Variants in CFAP54 observed in about 807,000 individuals in gnomAD.
The protein encoded by CFAP54 is cilia- and flagella-associated protein 54.
A neutral mutation model predicts 370.4 loss-of-function variants in CFAP54; 290 were observed. That is an observed-to-expected ratio of 0.78 (90% CI 0.71 to 0.86). CFAP54 has a LOEUF of 0.86. Among genes scored for constraint, CFAP54 ranks in the 40% least tolerant of loss-of-function variants. The pLI is 0.00. For missense variants in CFAP54, 3,399 were observed against 3,528.7 expected (o/e 0.96, Z 0.93); for synonymous variants, 1,206 against 1,236.5 (o/e 0.98, Z 0.52).
At chr12:96,756,764 T>C (rs77715713) in intron 57 of CFAP54, among the ~76,000 whole-genome samples, 1 of 152,250 alleles carries the variant, frequency 6.6e-6, no homozygotes, top group African/African-American at 2.4e-5. Flanking sequence ...GCTGTCCTCA[T>C]AGTGGGATAT....
chr12:96,520,833 A>G (rs1056448477), intron 6 of CFAP54, among the ~76,000 whole-genome samples: 1 of 152,248 alleles, frequency 6.6e-6, no homozygotes, highest in African/African-American at 2.4e-5. Context: ...GTTAACGACC[A>G]TAAATAAATC....
At chr12:96,857,143 A>G (rs1047963111) in intron 66 of CFAP54, among the ~76,000 whole-genome samples, 1 of 152,140 alleles carries the variant, frequency 6.6e-6, no homozygotes, top group African/African-American at 2.4e-5. Context: ...AGCTGTCCCC[A>G]TGATTCAATT....
chr12:96,611,106 C>A (rs1459724027), intron 26 of CFAP54, among the ~76,000 whole-genome samples: 1 of 152,210 alleles, frequency 6.6e-6, no homozygotes, highest in Non-Finnish European at 1.5e-5. Context: ...GGGTCCGTGA[C>A]CCCTGAGTAG....
At chr12:96,686,806 C>T (rs184428188) in intron 42 of CFAP54, among the ~76,000 whole-genome samples, 1 of 152,202 alleles carries the variant, frequency 6.6e-6, no homozygotes, top group East Asian at 1.9e-4. Context: ...GTTAGGACTT[C>T]AACATATGAA....
chr12:96,841,025 A>T (rs933222771), intron 66 of CFAP54, among the ~76,000 whole-genome samples: 11 of 152,220 alleles, frequency 7.2e-5, no homozygotes, highest in African/African-American at 2.4e-4. Context: ...TGTCAAGGTG[A>T]AATATGCTGT....
At chr12:96,544,765 A>T (rs78410002) in intron 14 of CFAP54, among the ~76,000 whole-genome samples, 2 of 152,230 alleles carry the variant, frequency 1.3e-5, no homozygotes, top group African/African-American at 2.4e-5. Flanking sequence ...TATTTCTTAC[A>T]GTTGTGGAGG....
At chr12:96,850,209 T>C (rs1356832410) in intron 66 of CFAP54, among the ~76,000 whole-genome samples, 3 of 122,802 alleles carry the variant, frequency 2.4e-5, no homozygotes, top group African/African-American at 1.0e-4. Flanking sequence ...TGAAACCCTG[T>C]CTCTACTAAA....
At chr12:96,504,503 G>A (rs1005197947) in intron 3 of CFAP54, among the ~76,000 whole-genome samples, 2 of 152,126 alleles carry the variant, frequency 1.3e-5, no homozygotes, top group Non-Finnish European at 2.9e-5. Flanking sequence ...CACTGGTTGA[G>A]CAGTTTTCAT....
chr12:96,637,602 G>A lies in CFAP54; in HGVS notation c.4317-6576G>A, dbSNP rs75370591. Among the ~76,000 whole-genome samples, 716 of 152,208 alleles carry A rather than the reference G, an allele frequency of 4.7e-3. 4 individuals are homozygous for A. The highest frequency in any genetic ancestry group is 0.016 in the African/African-American group (679 of 41,520). ...CATGCATAGAGTATTTATACTATTG[G>A]CTCTAAAGCAAGTCTCAAGAAATTT... is the stretch of plus-strand genomic sequence containing the variant. On this transcript the variant is annotated intron_variant, in intron 32 of 67. Transcript: ENST00000524981.
intron 4 of CFAP54, among the ~76,000 whole-genome samples, chr12:96,510,875 A>G (rs1478942252): frequency 6.6e-6 from 1 of 151,800 alleles, no homozygotes; most frequent in Non-Finnish European, 1.5e-5. Context: ...AGGCACGGGA[A>G]TCACTTGAAC....
chr12:96,820,859 A>G (rs1959024962), intron 65 of CFAP54, among the ~76,000 whole-genome samples: 1 of 152,162 alleles, frequency 6.6e-6, no homozygotes, highest in Non-Finnish European at 1.5e-5. Context: ...TAAGCCACAT[A>G]CCAAATTTAC....
In CFAP54 at chr12:96,657,970, A is replaced by T. The variant is rs1233764526; in HGVS notation, c.5189A>T (p.His1730Leu). ...GGTGGTTCTAGTCTTACCTTTGAGCATCCTTTGGATGATGTAAATGTGGTT... is the reference window on the plus strand; with the variant it reads ...GGTGGTTCTAGTCTTACCTTTGAGCTTCCTTTGGATGATGTAAATGTGGTT... ...DNGGSSLTFE[H>L]PLDDVNVVDL... is the part of the protein sequence containing the mutation. The change falls in exon 37 of 68, where the codon CAT becomes CTT. Residue 1730 changes from histidine to leucine, a missense_variant. Around this residue, in one of 3 missense-constraint regions of CFAP54, gnomAD observed 2,796 missense variants for 2,869.7 expected, o/e 0.97. Coordinates refer to ENST00000524981, the MANE Select transcript of CFAP54 (RefSeq NM_001306084.2). The T allele has an allele frequency of 1.3e-5, 21 of 1,613,802 alleles. No individual in the cohort carries two copies. The highest frequency in any genetic ancestry group is 1.8e-5 in the Non-Finnish European group (21 of 1,179,788).
intron 26 of CFAP54, among the ~76,000 whole-genome samples, chr12:96,599,511 T>G (rs920509598): frequency 1.3e-5 from 2 of 152,194 alleles, no homozygotes; most frequent in African/African-American, 4.8e-5. Context: ...TCGAATCCTT[T>G]GGATATATAC....
intron 60 of CFAP54, among the ~76,000 whole-genome samples, chr12:96,772,413 T>G (rs542978717): frequency 1.3e-5 from 2 of 152,180 alleles, no homozygotes; most frequent in African/African-American, 4.8e-5. Flanking sequence ...CCTTGGCTCA[T>G]GGCCCCTCCC....
chr12:96,623,261 G>A (rs1956519378), intron 27 of CFAP54, among the ~76,000 whole-genome samples: 1 of 152,046 alleles, frequency 6.6e-6, no homozygotes, highest in South Asian at 2.1e-4. Flanking sequence ...ATGGTAGTGA[G>A]CCTGAGTGGG....
intron 40 of CFAP54, among the ~76,000 whole-genome samples, chr12:96,680,361 G>C (rs1300441602): frequency 1.3e-5 from 2 of 152,118 alleles, no homozygotes; most frequent in African/African-American, 4.8e-5. Flanking sequence ...TCAGAGAAGA[G>C]TACATTCAAA....
intron 63 of CFAP54, among the ~76,000 whole-genome samples, chr12:96,792,791 G>T (rs1022762467): frequency 4.0e-5 from 6 of 151,816 alleles, no homozygotes; most frequent in African/African-American, 1.2e-4. Context: ...TCATGTTAAA[G>T]AATTTTTTTA....
At chr12:96,679,078 A>G (rs952160158) in intron 39 of CFAP54, among the ~76,000 whole-genome samples, 6 of 152,074 alleles carry the variant, frequency 3.9e-5, no homozygotes, top group African/African-American at 1.4e-4. Flanking sequence ...CTTTCTGGGC[A>G]CTTTTCAGGA....
chr12:96,649,969 C>T lies in CFAP54; in HGVS notation c.4769C>T (p.Ser1590Leu). 6.2e-7 allele frequency: 1 copy of T among 1,612,702 alleles called. No homozygotes were observed. The highest frequency in any genetic ancestry group is 8.5e-7 in the Non-Finnish European group (1 of 1,178,872). Residue 1590 changes from serine (S) to leucine (L), a missense_variant, in exon 35 of 68, where the codon TCA becomes TTA. By Grantham distance (145) the Ser-to-Leu change is moderately radical (BLOSUM62 -2). Coordinates refer to ENST00000524981, the MANE Select transcript of CFAP54 (RefSeq NM_001306084.2). ...NMSKTQTVYD[S>L]DSQSGSSAKE... The stretch of plus-strand genomic sequence containing the variant: ...TCCAAGACACAAACAGTTTATGACT[C>T]AGACTCTCAATCAGGTTCTAGTGCT...
Sources: gnomAD v4.1 joint callset for allele counts (sites outside exome capture counted in the v4.1 genomes callset) on GRCh38, gnomAD v4.1.1 for gene constraint, gnomAD v4.1.1 regional missense constraint, MANE v1.5 for transcripts, NCBI Gene and HGNC (gene_info 2026-07-23, HGNC 2026-07-21) for gene names.